OTOGL: variants seen among roughly 807,000 people sequenced by gnomAD.
The protein encoded by OTOGL is otogelin-like protein.
Under a neutral mutation model 318.5 loss-of-function variants are expected in OTOGL, and 285 were observed. The ratio of observed to expected loss-of-function variants is 0.89; its 90% CI spans 0.81 to 0.99. The LOEUF is 0.99. Among genes scored for constraint, OTOGL ranks in the 50% least tolerant of loss-of-function variants. The pLI is 0.00. For synonymous variants in OTOGL, 987 were observed against 936.5 expected, an observed-to-expected ratio of 1.05 and a Z score of -0.99; for missense variants, 2,899 against 2,845.6, an observed-to-expected ratio of 1.02 and a Z score of -0.43.
intron 1 of OTOGL, among the ~76,000 whole-genome samples, chr12:80,110,587 CT>C (rs1305358798): frequency 6.6e-6 from 1 of 150,990 alleles, no homozygotes; most frequent in Non-Finnish European, 1.5e-5. Context: ...TGAATTCATT[CT>C]TTTTTATGGC....
chr12:80,337,563 G>A (rs1425571469), intron 42 of OTOGL, among the ~76,000 whole-genome samples: 1 of 151,930 alleles, frequency 6.6e-6, no homozygotes, highest in African/African-American at 2.4e-5. Context: ...AAAAATGAAA[G>A]GAGCCTTTTG....
chr12:80,308,373 G>A (rs1212131932), intron 29 of OTOGL, among the ~76,000 whole-genome samples: 5 of 151,490 alleles, frequency 3.3e-5, no homozygotes, highest in South Asian at 4.2e-4. Flanking sequence ...CGGACGGGGC[G>A]GCAGGGCAGA....
Position 80,266,623 on chromosome 12 carries a change from C to T in OTOGL, c.2390+7C>T, listed in dbSNP as rs769639560. On this transcript the variant is annotated splice_region_variant and intron_variant, in intron 21 of 58. Coordinates refer to ENST00000547103, the MANE Select transcript of OTOGL (RefSeq NM_001378609.3). ...TTAACTTTTGTGTACCCATGTAAGTCGTAGAAACAGGTTGGCAGCATCCTG... is the reference window on the plus strand; with the variant it reads ...TTAACTTTTGTGTACCCATGTAAGTTGTAGAAACAGGTTGGCAGCATCCTG... 93 of 1,610,104 alleles carry T rather than the reference C, an allele frequency of 5.8e-5. No homozygotes were observed. Among genetic ancestry groups the T allele is most frequent in the Non-Finnish European group, 6.3e-5 (74 of 1,177,614 alleles).
chr12:80,304,972 C>T (rs1886012174), intron 28 of OTOGL, among the ~76,000 whole-genome samples: 1 of 152,162 alleles, frequency 6.6e-6, no homozygotes, highest in Non-Finnish European at 1.5e-5. Flanking sequence ...ACCATGGGAC[C>T]TCTGTTTTCA....
intron 30 of OTOGL, among the ~76,000 whole-genome samples, chr12:80,311,643 A>G (rs903096857): frequency 7.9e-5 from 12 of 152,108 alleles, no homozygotes; most frequent in Admixed American, 4.6e-4. Flanking sequence ...CTGACCTCAG[A>G]TGATCTGCCC....
At chr12:80,364,230 T>C (rs1420083404) in intron 52 of OTOGL, among the ~76,000 whole-genome samples, 2 of 152,176 alleles carry the variant, frequency 1.3e-5, no homozygotes, top group African/African-American at 4.8e-5. Flanking sequence ...TTCGTGGCTT[T>C]ACACAAGCAT....
At chr12:80,345,058 T>G (rs1212921131) in intron 44 of OTOGL, among the ~76,000 whole-genome samples, 1 of 129,758 alleles carries the variant, frequency 7.7e-6, no homozygotes, top group East Asian at 2.0e-4. Flanking sequence ...ATATGTTATA[T>G]TTTATATATT....
At chr12:80,346,984 C>T (rs1009357231) in intron 44 of OTOGL, among the ~76,000 whole-genome samples, 1 of 152,170 alleles carries the variant, frequency 6.6e-6, no homozygotes, top group African/African-American at 2.4e-5. Flanking sequence ...GTTGATTCCA[C>T]TTCCAAAATA....
chr12:80,352,968 G>A (rs1167274948), intron 45 of OTOGL, among the ~76,000 whole-genome samples: 3 of 151,906 alleles, frequency 2.0e-5, no homozygotes, highest in Admixed American at 1.3e-4. Flanking sequence ...AGTGTATTTT[G>A]GTTATAATTC....
chr12:80,185,919 G>T (rs1230638937), intron 1 of OTOGL, among the ~76,000 whole-genome samples: 1 of 151,994 alleles, frequency 6.6e-6, no homozygotes, highest in East Asian at 1.9e-4. Flanking sequence ...AAAAATATTA[G>T]AAAAAAGGGA....
At chr12:80,103,328 C>T in intron 1 of OTOGL, 2 of 1,563,488 alleles carry the variant, frequency 1.3e-6, no homozygotes, top group South Asian at 1.1e-5. Flanking sequence ...AGGGATTAAA[C>T]TTCATTTTGG....
intron 18 of OTOGL, among the ~76,000 whole-genome samples, chr12:80,258,656 C>A (rs1223574120): frequency 1.3e-5 from 2 of 152,070 alleles, no homozygotes; most frequent in Non-Finnish European, 2.9e-5. Context: ...ACAATGGGAG[C>A]AATTTAAGCA....
chr12:80,320,942 C>A lies in OTOGL; in HGVS notation c.4081+242C>A, dbSNP rs907944299. Reference sequence around the variant, plus strand: ...ATAAGTTGATGTAAATTACTTAGAACAATCCTAAATAACCTGATTTTTTAT... The same window carrying A: ...ATAAGTTGATGTAAATTACTTAGAAAAATCCTAAATAACCTGATTTTTTAT... On this transcript the variant is annotated intron_variant, in intron 34 of 58. Coordinates refer to ENST00000547103, the MANE Select transcript of OTOGL (RefSeq NM_001378609.3). Among the ~76,000 whole-genome samples, 8 of 152,028 alleles carry A rather than the reference C, an allele frequency of 5.3e-5. No homozygotes were observed. The East Asian group carries it at 1.5e-3, about 29-fold the overall frequency.
At chr12:80,339,300 T>A in intron 43 of OTOGL, 36 bp downstream of exon 43, 1 of 614,496 alleles carries the variant, frequency 1.6e-6, no homozygotes, top group Non-Finnish European at 2.2e-6. Flanking sequence ...TTTCGTCTGT[T>A]TTTTTTTTTT....
chr12:80,116,625 C>T (rs540529901), intron 1 of OTOGL, among the ~76,000 whole-genome samples: 1 of 152,038 alleles, frequency 6.6e-6, no homozygotes, highest in Admixed American at 6.5e-5. Context: ...AAAAGTGAGG[C>T]AAAAGCTTAG....
chr12:80,222,905 C>G (rs932511410), intron 7 of OTOGL, among the ~76,000 whole-genome samples: 2 of 152,130 alleles, frequency 1.3e-5, no homozygotes, highest in African/African-American at 4.8e-5. Context: ...GGCCCTGAAA[C>G]TTCTTTTTTT....
At position 80,312,829 on chromosome 12, in the gene OTOGL, T is replaced by C. The variant is rs372383024; in HGVS notation, c.3451-647T>C. ...TTTTCTTCTTCTTCTTCTTTTTTTT[T>C]ATTTGAGACAGAGTCTCTGTCGCTC... On this transcript the variant is annotated intron_variant, in intron 30 of 58. Coordinates refer to ENST00000547103, the MANE Select transcript of OTOGL (RefSeq NM_001378609.3). Among the ~76,000 whole-genome samples, 12 of 152,226 alleles carry C rather than the reference T, an allele frequency of 7.9e-5. No individual in the cohort carries two copies. The East Asian group carries it at 2.3e-3, about 29-fold the overall frequency.
At chr12:80,225,985 A>C (rs1878803362) in intron 7 of OTOGL, among the ~76,000 whole-genome samples, 1 of 152,006 alleles carries the variant, frequency 6.6e-6, no homozygotes, top group South Asian at 2.1e-4. Flanking sequence ...GCCTTCCTTC[A>C]TCCTCCACCC....
At chr12:80,187,953 A>G (rs1592529311) in intron 1 of OTOGL, among the ~76,000 whole-genome samples, 1 of 152,162 alleles carries the variant, frequency 6.6e-6, no homozygotes, top group African/African-American at 2.4e-5. Context: ...GGGACCACAA[A>G]CAGCCACAAT....
Sources: gnomAD v4.1 joint callset for allele counts (sites outside exome capture counted in the v4.1 genomes callset) on GRCh38, gnomAD v4.1.1 for gene constraint, MANE v1.5 for transcripts, NCBI Gene and HGNC (gene_info 2026-07-23, HGNC 2026-07-21) for gene names.